DNAH1: variants seen among roughly 807,000 people sequenced by gnomAD.
DNAH1 encodes dynein axonemal heavy chain 1.
In DNAH1, 327 loss-of-function variants were observed where a neutral mutation model predicts 484.3. The observed-to-expected ratio is 0.68, with a 90% confidence interval of 0.62 to 0.74. DNAH1 has a LOEUF of 0.74. DNAH1 is among the 30% of genes least tolerant of loss of function. DNAH1 has a pLI of 0.00. For synonymous variants in DNAH1, 2,192 were observed against 2,191.9 expected (o/e 1.00, Z 0.00); for missense variants, 5,052 against 5,546.8 (o/e 0.91, Z 2.83).
At chr3:52,338,871 C>CAA (rs56904725) in intron 8 of DNAH1, among the ~76,000 whole-genome samples, 65 of 78,052 alleles carry the variant, frequency 8.3e-4, no homozygotes, top group African/African-American at 1.2e-3. Context: ...ACTAAAAATA[C>CAA]AAAAAAAAAA....
upstream of DNAH1, among the ~76,000 whole-genome samples, chr3:52,313,895 C>G (rs965334159): frequency 6.6e-6 from 1 of 152,166 alleles, no homozygotes; most frequent in Admixed American, 6.5e-5. Flanking sequence ...AGAAGAAAAA[C>G]TGAGGCCTAA....
chr3:52,380,959 C>T (rs1369165824), intron 48 of DNAH1, among the ~76,000 whole-genome samples: 1 of 152,206 alleles, frequency 6.6e-6, no homozygotes, highest in Admixed American at 6.5e-5. Context: ...GATGTTCTAG[C>T]TCAGTATGTG....
rs759023536 is a variant in DNAH1 at position 52,358,605 on chromosome 3, G to T, written c.4134G>T (p.Glu1378Asp). 26 of 1,612,994 alleles carry T rather than the reference G, an allele frequency of 1.6e-5. No homozygotes were observed. The highest frequency in any genetic ancestry group is 4.0e-5 in the African/African-American group (3 of 74,900). Residue 1378 changes from glutamate to aspartate, a missense_variant, in exon 25 of 78, where the codon GAG becomes GAT. This residue lies in a region of DNAH1 where 2,929 missense variants were observed against 3,409.4 expected (regional missense o/e 0.86). Transcript: ENST00000420323. The surrounding 1 kb of genome is among the most constrained non-coding windows in gnomAD (Gnocchi z 4.2). ...AGATCACGCACATGTACTCAGCCGA[G>T]GGGGAGGAGGTACAGTTGTGCTTCT... is the stretch of plus-strand genomic sequence containing the variant. Reference protein sequence around the residue: ...DLEITHMYSAEGEEVQLCFSI... With the variant: ...DLEITHMYSADGEEVQLCFSI...
chr3:52,333,244 G>A (rs1701617858), intron 8 of DNAH1, among the ~76,000 whole-genome samples: 3 of 152,126 alleles, frequency 2.0e-5, no homozygotes, highest in African/African-American at 2.4e-5. Context: ...CATTAGATGT[G>A]CTCATTGCTA....
chr3:52,382,385 A>T lies in DNAH1; in HGVS notation c.7871A>T (p.Asp2624Val). 1 of 1,613,986 alleles carries T rather than the reference A, an allele frequency of 6.2e-7. No individual in the cohort carries two copies. Reference protein sequence around the residue: ...KNYGMSEWRDDVKKVLLKAGL... With the variant: ...KNYGMSEWRDVVKKVLLKAGL... ...TACGGCATGTCCGAGTGGCGAGATG[A>T]TGTGAAGAAGGTCCTGCTCAAGGCG... Residue 2624 changes from aspartate to valine, a missense_variant, in exon 50 of 78, where the codon GAT becomes GTT. Transcript: ENST00000420323.
At chr3:52,312,607 A>T (rs1445102333), upstream of DNAH1, among the ~76,000 whole-genome samples, 4 of 151,362 alleles carry the variant, frequency 2.6e-5, no homozygotes, top group Non-Finnish European at 1.5e-5. Context: ...TGTAGCTGGG[A>T]CTACAGGGAT....
Position 52,369,948 on chromosome 3 carries a change from C to T in DNAH1, c.6067C>T (p.Leu2023=). 2 of 1,613,992 alleles carry T rather than the reference C, an allele frequency of 1.2e-6. No individual in the cohort carries two copies. The highest frequency in any genetic ancestry group is 2.2e-5 in the South Asian group (2 of 91,088). The change falls in exon 38 of 78, where the codon CTG becomes TTG. Residue 2023 remains leucine, a synonymous_variant. Coordinates refer to ENST00000420323, the MANE Select transcript of DNAH1 (RefSeq NM_015512.5). The part of the protein sequence containing the change: ...LGLMPFIECW[L]RKLPPLLKPY... ...GCTCATGCCCTTCATCGAGTGCTGG[C>T]TGAGGAAGCTGCCTCCCTTGCTGAA...
At chr3:52,339,281 C>T (rs1701843511) in intron 8 of DNAH1, among the ~76,000 whole-genome samples, 1 of 149,178 alleles carries the variant, frequency 6.7e-6, no homozygotes, top group Admixed American at 6.7e-5. Context: ...CATTTTTATT[C>T]TCTTGGTTAT....
chr3:52,318,787 G>A (rs950696000), intron 1 of DNAH1, among the ~76,000 whole-genome samples: 3 of 152,240 alleles, frequency 2.0e-5, no homozygotes, highest in Non-Finnish European at 4.4e-5. Context: ...AAGCCTGGGG[G>A]AGCAATAACC....
intron 58 of DNAH1, 21 bp downstream of exon 58, chr3:52,388,630 AG>A: frequency 6.2e-7 from 1 of 1,611,998 alleles, no homozygotes; most frequent in South Asian, 1.1e-5. Context: ...TCCTCCTGCA[AG>A]GCCTGCAAGC....
In DNAH1 at chr3:52,358,749, G is replaced by T; in HGVS notation, c.4266+12G>T. Reference sequence around the variant, plus strand: ...GGGCCTACCCCACGGTGAGCCGCCCGCAGCCCGTGCAGCCTTCCACCCCTG... The same window carrying T: ...GGGCCTACCCCACGGTGAGCCGCCCTCAGCCCGTGCAGCCTTCCACCCCTG... On this transcript the variant is annotated intron_variant, in intron 25 of 77. Transcript: ENST00000420323. This position sits in a 1 kb window ranked among gnomAD's most constrained non-coding sequence, Gnocchi z 4.2. 1 of 1,610,640 alleles carries T rather than the reference G, an allele frequency of 6.2e-7. No homozygotes were observed. The highest frequency in any genetic ancestry group is 8.5e-7 in the Non-Finnish European group (1 of 1,179,084).
At chr3:52,312,054 C>CT (rs979767960), upstream of DNAH1, among the ~76,000 whole-genome samples, 2 of 152,244 alleles carry the variant, frequency 1.3e-5, no homozygotes, top group Admixed American at 6.5e-5. Context: ...CCTGCCTTCT[C>CT]TGAGAGCCAG....
At position 52,398,209 on chromosome 3, in the gene DNAH1, T is replaced by A. The variant is rs758547418; in HGVS notation, c.12089+47T>A. 7 of 1,557,418 alleles carry A rather than the reference T, an allele frequency of 4.5e-6. No individual in the cohort carries two copies. The African/African-American group carries it at 9.5e-5, about 21-fold the overall frequency. On this transcript the variant is annotated intron_variant, in intron 75 of 77. Coordinates refer to ENST00000420323, the MANE Select transcript of DNAH1 (RefSeq NM_015512.5). ...TGCCCCGAGTCAGCGGCCACTGGACTGTAGAGAAATGACAACAGGGGTTAC... is the reference window on the plus strand; with the variant it reads ...TGCCCCGAGTCAGCGGCCACTGGACAGTAGAGAAATGACAACAGGGGTTAC...
At chr3:52,372,437 C>A in intron 43 of DNAH1, 50 bp downstream of exon 43, 1 of 1,600,796 alleles carries the variant, frequency 6.2e-7, no homozygotes. Flanking sequence ...CCAGCCTGGC[C>A]GATCCAGCTG....
rs1703538852 is a variant in DNAH1 at position 52,375,285 on chromosome 3, GC to G, written c.7037del (p.Pro2346ArgfsTer12). 4 of 1,611,288 alleles carry G rather than the reference GC, an allele frequency of 2.5e-6. No homozygotes were observed. In the African/African-American group the frequency reaches 4.0e-5, roughly 16 times the overall value. ...LVDINFVCAM[G>X]PPGGGRNTVT... The stretch of plus-strand genomic sequence containing the variant: ...GACATCAACTTTGTCTGTGCCATGG[GC>G]CCCCCGGGTGGAGGCAGGAACACCG... On this transcript the variant is annotated frameshift_variant, in exon 45 of 78. Transcript: ENST00000420323. LOFTEE classifies it high-confidence loss of function.
intron 8 of DNAH1, among the ~76,000 whole-genome samples, chr3:52,334,638 C>G (rs886120786): frequency 6.6e-6 from 1 of 151,726 alleles, no homozygotes; most frequent in Non-Finnish European, 1.5e-5. Context: ...AAAAAAAATA[C>G]AAAAATTAGC....
At chr3:52,312,778 G>A (rs1015812149), upstream of DNAH1, among the ~76,000 whole-genome samples, 4 of 151,874 alleles carry the variant, frequency 2.6e-5, no homozygotes, top group African/African-American at 7.3e-5. Context: ...TCAGCCTCCC[G>A]AGTAGCTGGG....
At chr3:52,390,529 G>A (rs1207572170) in intron 60 of DNAH1, among the ~76,000 whole-genome samples, 1 of 152,228 alleles carries the variant, frequency 6.6e-6, no homozygotes, top group African/African-American at 2.4e-5. Context: ...AGAGGCCATA[G>A]GCAGAGGCCA....
rs1312405266 is a variant in DNAH1, at chr3:52,366,958, C to G, written c.5765+71C>G. 2.0e-6 allele frequency: 3 copies of G among 1,528,282 alleles called. No homozygotes were observed. The South Asian group carries it at 3.7e-5, about 19-fold the overall frequency. The allele number at this position is 1,528,282 out of a possible 1,614,324, so 94.7% of individuals were successfully genotyped here. ...TCTGGAGGCTGTGGGCTGCGGTCAC[C>G]CCTCCCTCCATTAGCCCAGTGGAAG... On this transcript the variant is annotated intron_variant, in intron 36 of 77. Transcript: ENST00000420323.
Sources: gnomAD v4.1 joint callset for allele counts (sites outside exome capture counted in the v4.1 genomes callset) on GRCh38, gnomAD v4.1.1 for gene constraint, gnomAD v4.1.1 regional missense constraint, Gnocchi (gnomAD v3.1) non-coding constraint, MANE v1.5 for transcripts, NCBI Gene and HGNC (gene_info 2026-07-23, HGNC 2026-07-21) for gene names.